The following TARM1 variants were observed in gnomAD, a reference collection of about 807,000 sequenced individuals.
The protein encoded by TARM1 is T-cell-interacting, activating receptor on myeloid cells protein 1.
Under a neutral mutation model 30.4 loss-of-function variants are expected in TARM1, and 24 were observed. The ratio of observed to expected loss-of-function variants is 0.79; its 90% CI spans 0.57 to 1.11. The LOEUF is 1.11. TARM1 is among the 50% of genes least tolerant of loss of function. TARM1 has a pLI of 0.00. For synonymous variants in TARM1, 129 were observed against 138.9 expected, an observed-to-expected ratio of 0.93 and a Z score of 0.50; for missense variants, 323 against 332.8, an observed-to-expected ratio of 0.97 and a Z score of 0.23.
chr19:54,080,046 AAGGGAAAGAGAGAG>A (rs1259466258), intron 1 of TARM1, among the ~76,000 whole-genome samples: 7 of 138,954 alleles, frequency 5.0e-5, no homozygotes, highest in African/African-American at 1.1e-4. Flanking sequence ...GGAAGGAAGG[AAGGGAAAGAGAGAG>A]AGGAAGGAAG....
At chr19:54,081,276 C>T in intron 1 of TARM1, 31 bp downstream of exon 1, 1 of 1,546,258 alleles carries the variant, frequency 6.5e-7, no homozygotes, top group Non-Finnish European at 8.7e-7. Flanking sequence ...TGATTTTCTG[C>T]AGTCCCAGTG....
In TARM1 at chr19:54,073,888, A is replaced by G. The variant is rs933146372; in HGVS notation, c.658+32T>C. 2.6e-6 allele frequency: 4 copies of G among 1,539,390 alleles called. No homozygotes were observed. In the Admixed American group the frequency reaches 7.9e-5, roughly 30 times the overall value. On this transcript the variant is annotated intron_variant, in intron 4 of 4. Coordinates refer to ENST00000432826, the MANE Select transcript of TARM1 (RefSeq NM_001135686.3). ...AACAATCTCTGATTAAAAACAACAC[A>G]CACAGTTCCTCAAAACCATACACGC...
chr19:54,075,386 A>T (rs1045507829), intron 2 of TARM1, among the ~76,000 whole-genome samples: 1 of 151,642 alleles, frequency 6.6e-6, no homozygotes, highest in Middle Eastern at 3.4e-3. Context: ...AGGTTTCACC[A>T]TGTTGGCCAG....
At position 54,071,899 on chromosome 19, in the gene TARM1, A is replaced by G. The variant is rs587748018; in HGVS notation, c.659-1739T>C. The stretch of plus-strand genomic sequence containing the variant: ...CAGGGAGGCTGATTTGAGTAATAAT[A>G]AAACTCTGATTGGCCAGGTGCAGTG... On this transcript the variant is annotated intron_variant, in intron 4 of 4. Transcript: ENST00000432826. Among the ~76,000 whole-genome samples the G allele has an allele frequency of 1.1e-3, 167 of 151,308 alleles. 1 individual carries two copies. Among genetic ancestry groups the G allele is most frequent in the African/African-American group, 3.9e-3 (162 of 41,248 alleles).
In TARM1 at chr19:54,075,886, C is replaced by T. The variant is rs1356651134; in HGVS notation, c.67G>A (p.Asp23Asn). The T allele has an allele frequency of 6.4e-7, 1 of 1,551,454 alleles. No individual in the cohort carries two copies. Among genetic ancestry groups the T allele is most frequent in the East Asian group, 2.4e-5 (1 of 40,888 alleles). Reference protein sequence around the residue: ...LCVGQGDTRGDGSLPKPSLSA... With the variant: ...LCVGQGDTRGNGSLPKPSLSA... ...GTGTAGTTGAAGAAACACTCACCAT[C>T]TCCCCTTGTGTCTCCTTGGCCCACG... Residue 23 changes from aspartate (D) to asparagine (N), a missense_variant, in exon 2 of 5, where the codon GAT becomes AAT. Physicochemically the swap from Asp to Asn is conservative, Grantham distance 23. Coordinates refer to ENST00000432826, the MANE Select transcript of TARM1 (RefSeq NM_001135686.3).
At chr19:54,074,239 A>C (rs1302605837) in intron 3 of TARM1, 23 bp from the exon 4 acceptor site, 3 of 1,544,012 alleles carry the variant, frequency 1.9e-6, no homozygotes, top group African/African-American at 2.7e-5. Context: ...TCAGGTTCTG[A>C]GGTCCTGGGG....
intron 1 of TARM1, among the ~76,000 whole-genome samples, chr19:54,080,135 G>GAA (rs2072074521): frequency 3.0e-5 from 2 of 67,074 alleles, no homozygotes; most frequent in Non-Finnish European, 6.4e-5. Flanking sequence ...AAGGAAGGAA[G>GAA]GAAGAAAGCA....
At chr19:54,076,338 C>CTTTCTTTCATTCATTG in intron 1 of TARM1, 1 of 803,192 alleles carries the variant, frequency 1.2e-6, no homozygotes, top group Non-Finnish European at 1.9e-6. Flanking sequence ...TTCTTTCTTT[C>CTTTCTTTCATTCATTG]TTTCTTTCTT....
chr19:54,074,681 A>G (rs1197914382), intron 3 of TARM1, 143 bp downstream of exon 3: 1 of 874,310 alleles, frequency 1.1e-6, no homozygotes, highest in Non-Finnish European at 1.7e-6. Flanking sequence ...TAAAACCAAC[A>G]TATGCAATTT....
intron 1 of TARM1, 106 bp downstream of exon 1, chr19:54,081,201 G>T: frequency 1.8e-6 from 2 of 1,089,672 alleles, no homozygotes; most frequent in Non-Finnish European, 2.7e-6. Flanking sequence ...CTCCTCCCGT[G>T]TGCTCAGTAA....
intron 4 of TARM1, among the ~76,000 whole-genome samples, 165 bp from the exon 5 acceptor site, chr19:54,070,325 G>A (rs1462151279): frequency 1.3e-5 from 2 of 151,928 alleles, no homozygotes; most frequent in Non-Finnish European, 2.9e-5. Context: ...GTGCAGTGGT[G>A]TAATCTCAGC....
chr19:54,080,147 G>GAAAGAA (rs1568512195), intron 1 of TARM1, among the ~76,000 whole-genome samples: 5 of 91,138 alleles, frequency 5.5e-5, no homozygotes, highest in Non-Finnish European at 9.3e-5. Flanking sequence ...AAGAAAGCAA[G>GAAAGAA]CAAGCAAGCA....
In TARM1 at chr19:54,081,313, A is replaced by G. The variant is rs2072124844; in HGVS notation, c.28T>C (p.Cys10Arg). 1.9e-6 allele frequency: 3 copies of G among 1,548,024 alleles called. No homozygotes were observed. The highest frequency in any genetic ancestry group is 8.7e-7 in the Non-Finnish European group (1 of 1,145,732). ...ATAGCCCTGTGAGACTTACTGAAAC[A>G]GAGGAGGGAAAGCAGCTTAGGGATC... is the stretch of plus-strand genomic sequence containing the variant. MIPKLLSLL[C>R]FRLCVGQGDT... The change falls in exon 1 of 5, where the codon TGT becomes CGT. Residue 10 changes from cysteine (C) to arginine (R), a missense_variant. Cys to Arg is a radical substitution (Grantham distance 180, BLOSUM62 -3). Coordinates refer to ENST00000432826, the MANE Select transcript of TARM1 (RefSeq NM_001135686.3).
At chr19:54,079,213 G>A (rs2072035695) in intron 1 of TARM1, among the ~76,000 whole-genome samples, 1 of 146,054 alleles carries the variant, frequency 6.8e-6, no homozygotes, top group African/African-American at 2.5e-5. Context: ...GCAGTGAGCT[G>A]AGATTAGGCC....
At position 54,070,018 on chromosome 19, in the gene TARM1, G is replaced by A; in HGVS notation, c.801C>T (p.Ala267=). ...SRNVSPGESE[A]FKPE ...CAAGATGGAGTCACTCTGGTTTGAA[G>A]GCCTCTGATTCACCTGGAGACACAT... Residue 267 remains alanine (A), a synonymous_variant, in exon 5 of 5, where the codon GCC becomes GCT. Coordinates refer to ENST00000432826, the MANE Select transcript of TARM1 (RefSeq NM_001135686.3). 6.4e-7 allele frequency: 1 copy of A among 1,551,468 alleles called. No individual in the cohort carries two copies. The highest frequency in any genetic ancestry group is 8.7e-7 in the Non-Finnish European group (1 of 1,146,870).
chr19:54,074,769 C>G, intron 3 of TARM1, 55 bp downstream of exon 3: 3 of 1,517,236 alleles, frequency 2.0e-6, no homozygotes, highest in Non-Finnish European at 2.7e-6. Context: ...TGTTCCTCCA[C>G]TTCCTCCCTC....
In TARM1 at chr19:54,075,598, T is replaced by A. The variant is rs1185740347; in HGVS notation, c.70+285A>T. ...TCACGAGGTCATGAGATCGAGACCATCCTGGCCAACATGGTGAAACTCCGT... is the reference window on the plus strand; with the variant it reads ...TCACGAGGTCATGAGATCGAGACCAACCTGGCCAACATGGTGAAACTCCGT... On this transcript the variant is annotated intron_variant, in intron 2 of 4. Transcript: ENST00000432826. Among the ~76,000 whole-genome samples the A allele has an allele frequency of 2.0e-5, 3 of 150,996 alleles. No individual in the cohort carries two copies. The South Asian group carries it at 6.3e-4, about 32-fold the overall frequency.
In TARM1 at chr19:54,081,323, A is replaced by G; in HGVS notation, c.18T>C (p.Leu6=). ...GAGACTTACTGAAACAGAGGAGGGAAAGCAGCTTAGGGATCATGATGGCTC... is the reference window on the plus strand; with the variant it reads ...GAGACTTACTGAAACAGAGGAGGGAGAGCAGCTTAGGGATCATGATGGCTC... MIPKL[L]SLLCFRLCVG... The change falls in exon 1 of 5, where the codon CTT becomes CTC. Residue 6 remains leucine, a synonymous_variant. Transcript: ENST00000432826. The G allele has an allele frequency of 6.5e-7, 1 of 1,546,250 alleles. No homozygotes were observed. Among genetic ancestry groups the G allele is most frequent in the South Asian group, 1.2e-5 (1 of 83,120 alleles).
rs182468134 is a variant in TARM1 at position 54,071,596 on chromosome 19, T to A, written c.659-1436A>T. 8.0e-4 allele frequency among the ~76,000 whole-genome samples: 121 copies of A among 151,962 alleles called. No homozygotes were observed. In the South Asian group the frequency reaches 0.015, roughly 19 times the overall value. On this transcript the variant is annotated intron_variant, in intron 4 of 4. Coordinates refer to ENST00000432826, the MANE Select transcript of TARM1 (RefSeq NM_001135686.3). ...ACTGTGGGAGGCTAAAGTGGGAGGA[T>A]TGCTTGAGGCCAGGAGTTCGAGAGC...
Sources: gnomAD v4.1 joint callset for allele counts (sites outside exome capture counted in the v4.1 genomes callset) on GRCh38, gnomAD v4.1.1 for gene constraint, MANE v1.5 for transcripts, NCBI Gene and HGNC (gene_info 2026-07-23, HGNC 2026-07-21) for gene names.